PRR16: variants seen among roughly 807,000 people sequenced by gnomAD.
PRR16 encodes proline rich 16, also known as protein Largen.
In PRR16, 6 loss-of-function variants were observed where a neutral mutation model predicts 18.2. The ratio of observed to expected loss-of-function variants is 0.33; its 90% CI spans 0.18 to 0.65. The LOEUF is 0.65. Ranked by LOEUF, PRR16 falls within the 30% of genes least tolerant of loss-of-function variation. The pLI is 0.74. For synonymous variants in PRR16, 151 were observed against 147.8 expected, an observed-to-expected ratio of 1.02 and a Z score of -0.16; for missense variants, 412 against 376.6, an observed-to-expected ratio of 1.09 and a Z score of -0.78.
At chr5:120,573,684 A>G (rs1752976058) in intron 1 of PRR16, among the ~76,000 whole-genome samples, 1 of 152,122 alleles carries the variant, frequency 6.6e-6, no homozygotes, top group African/African-American at 2.4e-5. Context: ...AATAAAAACA[A>G]TGCTTGTTAT....
At chr5:120,672,238 CTG>C (rs3048020) in intron 1 of PRR16, among the ~76,000 whole-genome samples, 20,935 of 134,916 alleles carry the variant, frequency 0.16, 2,550 homozygotes, top group East Asian at 0.64. Flanking sequence ...GGTGAGGGGT[CTG>C]TGTGTGTGTG....
the PRR16 span, among the ~76,000 whole-genome samples, chr5:120,720,182 C>T: frequency 6.6e-5 from 10 of 151,954 alleles, no homozygotes; most frequent in African/African-American, 1.7e-4. Flanking sequence ...CTAAATGGGA[C>T]GTCAGTCTCT....
chr5:120,637,247 G>A (rs2112849704), intron 1 of PRR16, among the ~76,000 whole-genome samples: 1 of 129,928 alleles, frequency 7.7e-6, no homozygotes, highest in Admixed American at 9.3e-5. Context: ...AGTACAAAAA[G>A]TAGATCTATC....
At chr5:120,628,472 T>C (rs1754940200) in intron 1 of PRR16, among the ~76,000 whole-genome samples, 1 of 152,074 alleles carries the variant, frequency 6.6e-6, no homozygotes, top group Admixed American at 6.6e-5. Flanking sequence ...CCTAGCACTG[T>C]GTTTTTAAAG....
At chr5:120,481,005 C>G (rs1268083623) in intron 1 of PRR16, among the ~76,000 whole-genome samples, 1 of 152,114 alleles carries the variant, frequency 6.6e-6, no homozygotes. Context: ...CTTTAAACCA[C>G]ACTAATCAAA....
In PRR16 at chr5:120,686,623, C is replaced by G. The variant is rs200980792; in HGVS notation, c.829C>G (p.Pro277Ala). 1.8e-5 allele frequency: 29 copies of G among 1,609,034 alleles called. No individual in the cohort carries two copies. The highest frequency in any genetic ancestry group is 6.7e-5 in the East Asian group (3 of 44,862). Residue 277 changes from proline (P) to alanine (A), a missense_variant, in exon 2 of 2, where the codon CCT becomes GCT. Physicochemically the swap from Pro to Ala is conservative, Grantham distance 27. Transcript: ENST00000407149. ...AATAAGCCACAGTAACAGCTTCCCC[C>G]CTATCAGACCTGCAACTGTGCCTCC... ...MGISHSNSFP[P>A]IRPATVPPPT...
the PRR16 span, among the ~76,000 whole-genome samples, chr5:120,747,536 T>C: frequency 6.6e-6 from 1 of 152,240 alleles, no homozygotes; most frequent in East Asian, 1.9e-4. Context: ...AGATGGCCAG[T>C]GGTAGATATT....
chr5:120,786,391 G>T, the PRR16 span, among the ~76,000 whole-genome samples: 1 of 151,388 alleles, frequency 6.6e-6, no homozygotes, highest in South Asian at 2.1e-4. Context: ...GGTTTGGGAG[G>T]GCTGCTTTTA....
intron 1 of PRR16, among the ~76,000 whole-genome samples, chr5:120,586,773 C>T (rs924279533): frequency 6.6e-6 from 1 of 152,032 alleles, no homozygotes; most frequent in Non-Finnish European, 1.5e-5. Flanking sequence ...TGAAATTTGA[C>T]CAGTTAGTAA....
At chr5:120,468,765 A>C (rs796520608) in intron 1 of PRR16, among the ~76,000 whole-genome samples, 12 of 152,316 alleles carry the variant, frequency 7.9e-5, no homozygotes, top group African/African-American at 2.9e-4. Context: ...TTATCTGGAA[A>C]CAAAACTAAT....
chr5:120,634,571 A>C (rs1755165953), intron 1 of PRR16, among the ~76,000 whole-genome samples: 1 of 152,174 alleles, frequency 6.6e-6, no homozygotes, highest in South Asian at 2.1e-4. Context: ...TGAACCCAGG[A>C]GGTGGAGGTT....
chr5:120,754,505 T>TATA, the PRR16 span, among the ~76,000 whole-genome samples: 82 of 58,458 alleles, frequency 1.4e-3, no homozygotes, highest in South Asian at 3.3e-3. Flanking sequence ...TATTTTATTA[T>TATA]GTATATTATA....
the PRR16 span, among the ~76,000 whole-genome samples, chr5:120,692,582 A>T: frequency 2.6e-5 from 4 of 152,216 alleles, no homozygotes; most frequent in Non-Finnish European, 4.4e-5. Context: ...CCAGAAATGG[A>T]AGGAGATGTG....
the PRR16 span, among the ~76,000 whole-genome samples, chr5:120,789,389 A>T: frequency 1.4e-4 from 22 of 152,240 alleles, no homozygotes; most frequent in African/African-American, 3.6e-4. Context: ...ATATATTTTA[A>T]TGTACTTATT....
chr5:120,705,380 T>C, the PRR16 span, among the ~76,000 whole-genome samples: 1 of 152,078 alleles, frequency 6.6e-6, no homozygotes, highest in Non-Finnish European at 1.5e-5. Flanking sequence ...TGTTGACAAA[T>C]TTTAGTAAAC....
chr5:120,792,989 C>CA, the PRR16 span, among the ~76,000 whole-genome samples: 1,955 of 151,944 alleles, frequency 0.013, 22 homozygotes, highest in Non-Finnish European at 0.019. Flanking sequence ...CCTGTCTCTA[C>CA]AAAAAATAAA....
the PRR16 span, among the ~76,000 whole-genome samples, chr5:120,697,206 G>T: frequency 6.6e-6 from 1 of 152,182 alleles, no homozygotes; most frequent in Non-Finnish European, 1.5e-5. Context: ...TTGTATAAAT[G>T]TTCCTCTGAG....
chr5:120,791,321 C>A, the PRR16 span, among the ~76,000 whole-genome samples: 2 of 151,934 alleles, frequency 1.3e-5, no homozygotes, highest in Admixed American at 6.6e-5. Flanking sequence ...GTTTTCTAAG[C>A]TCTGAAAAAC....
At chr5:120,662,757 T>C (rs149737491) in intron 1 of PRR16, among the ~76,000 whole-genome samples, 157 of 152,280 alleles carry the variant, frequency 1.0e-3, no homozygotes, top group Non-Finnish European at 1.2e-3. Context: ...ATGTCTAAGA[T>C]TGATGATCCT....
Sources: allele counts gnomAD v4.1 joint callset (sites outside exome capture counted in the v4.1 genomes callset), GRCh38; gene constraint gnomAD v4.1.1; transcripts MANE v1.5; gene names NCBI Gene and HGNC (gene_info 2026-07-23, HGNC 2026-07-21).